The following KCTD8 variants were observed in gnomAD, a reference collection of about 807,000 sequenced individuals.
The protein encoded by KCTD8 is BTB/POZ domain-containing protein KCTD8.
Under a neutral mutation model 31.5 loss-of-function variants are expected in KCTD8, and 27 were observed. The ratio of observed to expected loss-of-function variants is 0.86; its 90% CI spans 0.63 to 1.18. KCTD8 has a LOEUF of 1.18. KCTD8 is among the 50% of genes most tolerant of loss of function. The probability of loss-of-function intolerance (pLI) is 0.00; values close to 1 mark genes in which losing one functional copy is unlikely to be tolerated. For missense variants in KCTD8, 658 were observed against 647.7 expected (o/e 1.02, Z -0.17); for synonymous variants, 290 against 280.0 (o/e 1.04, Z -0.36).
At chr4:44,201,767 C>A (rs1023730138) in intron 1 of KCTD8, among the ~76,000 whole-genome samples, 1 of 152,026 alleles carries the variant, frequency 6.6e-6, no homozygotes, top group African/African-American at 2.4e-5. Flanking sequence ...GCCCCCAAAG[C>A]AACTACAACA....
At chr4:44,345,668 TTC>T (rs1719017995) in intron 1 of KCTD8, among the ~76,000 whole-genome samples, 1 of 152,178 alleles carries the variant, frequency 6.6e-6, no homozygotes, top group Admixed American at 6.5e-5. Flanking sequence ...AACTTATACC[TTC>T]TCTTTAGGCC....
intron 1 of KCTD8, among the ~76,000 whole-genome samples, chr4:44,365,347 C>A (rs559002071): frequency 1.3e-5 from 2 of 151,968 alleles, no homozygotes; most frequent in African/African-American, 4.8e-5. Context: ...TAATGTTAAA[C>A]GCATCTAGTT....
intron 1 of KCTD8, among the ~76,000 whole-genome samples, chr4:44,192,863 C>A (rs1713806769): frequency 6.6e-6 from 1 of 152,128 alleles, no homozygotes; most frequent in Non-Finnish European, 1.5e-5. Flanking sequence ...ACTGGCTTAG[C>A]CTCCCAGCCT....
chr4:44,208,786 A>G (rs960869499), intron 1 of KCTD8, among the ~76,000 whole-genome samples: 1 of 152,184 alleles, frequency 6.6e-6, no homozygotes, highest in Non-Finnish European at 1.5e-5. Context: ...CAAAGGCTGC[A>G]TCATTACATT....
chr4:44,216,480 G>A (rs1714655426), intron 1 of KCTD8, among the ~76,000 whole-genome samples: 1 of 152,078 alleles, frequency 6.6e-6, no homozygotes, highest in Non-Finnish European at 1.5e-5. Flanking sequence ...TAAGATAGAA[G>A]GCACTGTTAT....
intron 1 of KCTD8, among the ~76,000 whole-genome samples, chr4:44,263,054 C>T (rs1716228729): frequency 6.6e-6 from 1 of 152,094 alleles, no homozygotes. Context: ...AATGTTTTCC[C>T]TCTGCCCATG....
At chr4:44,231,762 G>C (rs1351749374) in intron 1 of KCTD8, among the ~76,000 whole-genome samples, 2 of 152,074 alleles carry the variant, frequency 1.3e-5, no homozygotes, top group Non-Finnish European at 2.9e-5. Flanking sequence ...TCTGGAATGA[G>C]TAAATTAAAA....
At position 44,317,389 on chromosome 4, in the gene KCTD8, G is replaced by A. The variant is rs1455388649; in HGVS notation, c.961+130174C>T. 4.2e-5 allele frequency among the ~76,000 whole-genome samples: 6 copies of A among 143,998 alleles called. No homozygotes were observed. The East Asian group carries it at 6.0e-4, about 14-fold the overall frequency. The allele number at this position is 143,998 out of a possible 152,430, so 94.5% of individuals were successfully genotyped here. ...CGAGTAGCTGGGACTACAGGCGCCC[G>A]CCACCGCACCCGGCTAATTTTTTGT... On this transcript the variant is annotated intron_variant, in intron 1 of 1. Coordinates refer to ENST00000360029, the MANE Select transcript of KCTD8 (RefSeq NM_198353.3).
At chr4:44,339,471 T>A (rs1718839273) in intron 1 of KCTD8, among the ~76,000 whole-genome samples, 2 of 152,080 alleles carry the variant, frequency 1.3e-5, no homozygotes, top group African/African-American at 4.8e-5. Flanking sequence ...TCGATTCAAA[T>A]GATAAAAGGG....
chr4:44,208,791 T>C (rs1714393757), intron 1 of KCTD8, among the ~76,000 whole-genome samples: 1 of 152,292 alleles, frequency 6.6e-6, no homozygotes, highest in Admixed American at 6.5e-5. Flanking sequence ...GCTGCATCAT[T>C]ACATTAGTAG....
intron 1 of KCTD8, among the ~76,000 whole-genome samples, chr4:44,430,613 G>A (rs1721480204): frequency 6.6e-6 from 1 of 151,520 alleles, no homozygotes; most frequent in Non-Finnish European, 1.5e-5. Context: ...GTCTCCCCTT[G>A]GTGATCCTTC....
chr4:44,231,152 T>C (rs1333641738), intron 1 of KCTD8, among the ~76,000 whole-genome samples: 8 of 152,176 alleles, frequency 5.3e-5, no homozygotes, highest in Non-Finnish European at 1.2e-4. Flanking sequence ...TGCTATTCAA[T>C]AATCTCAATT....
chr4:44,214,587 G>T (rs188265027), intron 1 of KCTD8, among the ~76,000 whole-genome samples: 1 of 151,988 alleles, frequency 6.6e-6, no homozygotes, highest in South Asian at 2.1e-4. Flanking sequence ...AAATGAAACC[G>T]CCTTTGCAAA....
intron 1 of KCTD8, among the ~76,000 whole-genome samples, chr4:44,423,217 A>G (rs999870175): frequency 6.6e-6 from 1 of 152,090 alleles, no homozygotes; most frequent in Non-Finnish European, 1.5e-5. Flanking sequence ...ACTGAGCCCA[A>G]AATCTCAATA....
intron 1 of KCTD8, among the ~76,000 whole-genome samples, chr4:44,363,557 C>T (rs1278445929): frequency 6.6e-6 from 1 of 152,134 alleles, no homozygotes; most frequent in Non-Finnish European, 1.5e-5. Flanking sequence ...TAGAATTTCT[C>T]CTCTAGGCAC....
chr4:44,198,889 C>G, intron 1 of KCTD8, among the ~76,000 whole-genome samples: 1 of 152,100 alleles, frequency 6.6e-6, no homozygotes, highest in East Asian at 1.9e-4. Context: ...CAAGACCCAA[C>G]AGTCGCTGTC....
chr4:44,186,507 T>A (rs1211636829), intron 1 of KCTD8, among the ~76,000 whole-genome samples: 1 of 152,156 alleles, frequency 6.6e-6, no homozygotes, highest in East Asian at 1.9e-4. Context: ...ATTGAGCTGA[T>A]TAACACATGC....
At chr4:44,182,104 C>A (rs995825267) in intron 1 of KCTD8, among the ~76,000 whole-genome samples, 8 of 151,824 alleles carry the variant, frequency 5.3e-5, no homozygotes, top group Admixed American at 3.3e-4. Flanking sequence ...CGACAGCCGC[C>A]CCGTCCGGGA....
intron 1 of KCTD8, among the ~76,000 whole-genome samples, chr4:44,221,519 G>A (rs969675127): frequency 1.3e-5 from 2 of 152,114 alleles, no homozygotes; most frequent in African/African-American, 4.8e-5. Context: ...TAGGCCATCT[G>A]CAAGCTGAGA....
Sources: gnomAD v4.1 joint callset for allele counts (sites outside exome capture counted in the v4.1 genomes callset) on GRCh38, gnomAD v4.1.1 for gene constraint, MANE v1.5 for transcripts, NCBI Gene and HGNC (gene_info 2026-07-23, HGNC 2026-07-21) for gene names.